The following SH3GL2 variants were observed in gnomAD, a reference collection of about 807,000 sequenced individuals.
SH3GL2 encodes SH3 domain containing GRB2 like 2, endophilin A1, also known as endophilin-A1.
In SH3GL2, 24 loss-of-function variants were observed where a neutral mutation model predicts 46.0. That is an observed-to-expected ratio of 0.52 (90% CI 0.38 to 0.73). SH3GL2 has a LOEUF of 0.73. Among genes scored for constraint, SH3GL2 ranks in the 30% least tolerant of loss-of-function variants. The pLI is 0.00. For missense variants in SH3GL2, 413 were observed against 424.2 expected (o/e 0.97, Z 0.23); for synonymous variants, 196 against 147.1 (o/e 1.33, Z -2.40).
chr9:17,581,907 C>T (rs543645200), intron 1 of SH3GL2, among the ~76,000 whole-genome samples: 2 of 152,240 alleles, frequency 1.3e-5, no homozygotes, highest in East Asian at 3.9e-4. Flanking sequence ...CCATGTTAAC[C>T]AGGCTGGTCT....
At chr9:17,595,202 T>C (rs1818548360) in intron 1 of SH3GL2, among the ~76,000 whole-genome samples, 1 of 152,174 alleles carries the variant, frequency 6.6e-6, no homozygotes, top group African/African-American at 2.4e-5. Flanking sequence ...CCAGTAGTTT[T>C]TAACCATGAG....
rs1388568091 is a variant in SH3GL2 at position 17,597,048 on chromosome 9, C to A, written c.45+17761C>A. On this transcript the variant is annotated intron_variant, in intron 1 of 8. Transcript: ENST00000380607. ...GTGAAGCTAACTTTTCCAACCTCTG[C>A]AGCATCTTGTGATGTTTCTGGGGAT... Among the ~76,000 whole-genome samples, 6 of 152,298 alleles carry A rather than the reference C, an allele frequency of 3.9e-5. No individual in the cohort carries two copies. In the East Asian group the frequency reaches 1.2e-3, roughly 29 times the overall value.
chr9:17,579,248 G>C lies in SH3GL2; in HGVS notation c.6G>C (p.Ser2=). 1.3e-6 allele frequency: 2 copies of C among 1,564,282 alleles called. No individual in the cohort carries two copies. Among genetic ancestry groups the C allele is most frequent in the South Asian group, 1.2e-5 (1 of 85,978 alleles). Residue 2 remains serine (S), a synonymous_variant, in exon 1 of 9, where the codon TCG becomes TCC. Transcript: ENST00000380607. The part of the protein sequence containing the change: M[S]VAGLKKQFHK... ...CCAGCGCGGCCTCCTGCACCATGTC[G>C]GTGGCCGGCCTCAAGAAGCAGTTCC...
At chr9:17,688,695 A>G (rs915284791) in intron 1 of SH3GL2, among the ~76,000 whole-genome samples, 2 of 152,114 alleles carry the variant, frequency 1.3e-5, no homozygotes, top group African/African-American at 2.4e-5. Flanking sequence ...AGTATGTCAA[A>G]GGGATACAGA....
At chr9:17,729,863 C>G (rs1219632060) in intron 1 of SH3GL2, among the ~76,000 whole-genome samples, 3 of 152,052 alleles carry the variant, frequency 2.0e-5, no homozygotes, top group African/African-American at 7.2e-5. Flanking sequence ...GTTACGGTAG[C>G]CTTGTACTAT....
At chr9:17,664,120 A>C (rs1049216910) in intron 1 of SH3GL2, among the ~76,000 whole-genome samples, 5 of 152,234 alleles carry the variant, frequency 3.3e-5, no homozygotes, top group Admixed American at 3.3e-4. Flanking sequence ...GCATTAATTC[A>C]GTACGCCTAA....
intron 3 of SH3GL2, among the ~76,000 whole-genome samples, chr9:17,769,139 A>G (rs1823400670): frequency 6.6e-6 from 1 of 152,136 alleles, no homozygotes; most frequent in East Asian, 1.9e-4. Flanking sequence ...TTAAAACATC[A>G]GCCCTTCTAA....
intron 1 of SH3GL2, among the ~76,000 whole-genome samples, chr9:17,583,830 C>T (rs1247985260): frequency 6.6e-6 from 1 of 152,154 alleles, no homozygotes; most frequent in African/African-American, 2.4e-5. Context: ...GGATGCTTTG[C>T]TCAGGAGACC....
chr9:17,725,953 C>T (rs184314864), intron 1 of SH3GL2, among the ~76,000 whole-genome samples: 1 of 152,212 alleles, frequency 6.6e-6, no homozygotes, highest in East Asian at 1.9e-4. Flanking sequence ...AAGTTTCCAT[C>T]ACAGAGCTGG....
intron 1 of SH3GL2, among the ~76,000 whole-genome samples, chr9:17,720,182 C>T (rs756185043): frequency 6.6e-6 from 1 of 152,040 alleles, no homozygotes; most frequent in Admixed American, 6.6e-5. Flanking sequence ...AGACACGATG[C>T]GTCAAAGAAG....
intron 2 of SH3GL2, among the ~76,000 whole-genome samples, chr9:17,758,594 A>C (rs1438060794): frequency 6.8e-6 from 1 of 147,426 alleles, no homozygotes; most frequent in Non-Finnish European, 1.5e-5. Flanking sequence ...AAAAAAAAAA[A>C]ATTGCAGTCA....
At chr9:17,761,285 G>T in intron 2 of SH3GL2, 152 bp from the exon 3 acceptor site, 1 of 640,756 alleles carries the variant, frequency 1.6e-6, no homozygotes, top group South Asian at 1.8e-5. Flanking sequence ...GTGTCAGCAT[G>T]ACTTCCAGCC....
chr9:17,690,629 A>G (rs2118125265), intron 1 of SH3GL2, among the ~76,000 whole-genome samples: 1 of 152,244 alleles, frequency 6.6e-6, no homozygotes, highest in East Asian at 1.9e-4. Flanking sequence ...CCAGTGGTAG[A>G]AATGTGCACT....
intron 1 of SH3GL2, among the ~76,000 whole-genome samples, chr9:17,724,323 C>G (rs1277810429): frequency 1.3e-5 from 2 of 152,128 alleles, no homozygotes; most frequent in East Asian, 3.9e-4. Flanking sequence ...TCCCATTTGA[C>G]TCTTTTAGAA....
At chr9:17,608,777 G>T (rs981042399) in intron 1 of SH3GL2, among the ~76,000 whole-genome samples, 2 of 152,222 alleles carry the variant, frequency 1.3e-5, no homozygotes, top group Admixed American at 6.5e-5. Flanking sequence ...ATTTGAGGTT[G>T]AAATTAGGTA....
At chr9:17,657,007 G>T (rs1236747973) in intron 1 of SH3GL2, among the ~76,000 whole-genome samples, 2 of 152,052 alleles carry the variant, frequency 1.3e-5, no homozygotes, top group Non-Finnish European at 2.9e-5. Flanking sequence ...GAACAAAAGT[G>T]CTCTCTGATA....
chr9:17,751,890 C>G (rs1034211473), intron 2 of SH3GL2, among the ~76,000 whole-genome samples: 2 of 152,000 alleles, frequency 1.3e-5, no homozygotes, highest in African/African-American at 2.4e-5. Flanking sequence ...GGCCAGAGCT[C>G]CAAACAAGAT....
At chr9:17,741,739 T>C (rs1297377783) in intron 1 of SH3GL2, among the ~76,000 whole-genome samples, 1 of 152,236 alleles carries the variant, frequency 6.6e-6, no homozygotes, top group East Asian at 1.9e-4. Flanking sequence ...TAAAAGAACC[T>C]GTGATATATG....
At chr9:17,661,503 T>C (rs1033357182) in intron 1 of SH3GL2, among the ~76,000 whole-genome samples, 1 of 152,216 alleles carries the variant, frequency 6.6e-6, no homozygotes. Context: ...GGGTTTTAGA[T>C]GAAATGTTCA....
Sources: gnomAD v4.1 joint callset for allele counts (sites outside exome capture counted in the v4.1 genomes callset) on GRCh38, gnomAD v4.1.1 for gene constraint, MANE v1.5 for transcripts, NCBI Gene and HGNC (gene_info 2026-07-23, HGNC 2026-07-21) for gene names.